HHIP: variants seen among roughly 807,000 people sequenced by gnomAD.
HHIP encodes the protein hedgehog interacting protein.
HHIP carries 12 observed loss-of-function variants against 74.0 expected under a neutral mutation model. That is an observed-to-expected ratio of 0.16 (90% CI 0.10 to 0.26). The LOEUF (loss-of-function observed/expected upper bound fraction) is 0.26, where lower values mean the gene tolerates loss of function less well. Among genes scored for constraint, HHIP ranks in the 10% least tolerant of loss-of-function variants. HHIP has a pLI of 1.00. For missense variants in HHIP, 788 were observed against 845.0 expected (o/e 0.93, Z 0.84); for synonymous variants, 309 against 311.6 (o/e 0.99, Z 0.09).
intron 4 of HHIP, among the ~76,000 whole-genome samples, chr4:144,664,840 C>T (rs1728817425): frequency 6.6e-6 from 1 of 152,140 alleles, no homozygotes; most frequent in South Asian, 2.1e-4. Context: ...TACTTTTTGA[C>T]TTATCAGATT....
In HHIP at chr4:144,743,000, T is replaced by TATA. The variant is rs1731305110; in HGVS notation, c.*5044_*5046dup. 2 of 4,316 alleles carry TATA rather than the reference T, an allele frequency of 4.6e-4. No individual in the cohort carries two copies. Among genetic ancestry groups the TATA allele is most frequent in the African/African-American group, 1.9e-3 (2 of 1,038 alleles). The allele number at this position is 4,316 out of a possible 1,614,324, so 0.3% of individuals were successfully genotyped here. On this transcript the variant is annotated 3_prime_UTR_variant, in exon 13 of 13. Coordinates refer to ENST00000296575, the MANE Select transcript of HHIP (RefSeq NM_022475.3). ...ATATATATACATTATATATATATAA[T>TATA]ATATATATATTATATATATATAATA... is the stretch of plus-strand genomic sequence containing the variant.
chr4:144,659,573 C>A, intron 3 of HHIP, 64 bp from the exon 4 acceptor site: 1 of 1,066,096 alleles, frequency 9.4e-7, no homozygotes, highest in Non-Finnish European at 1.3e-6. Context: ...GAAAAGGATG[C>A]CAAGTGCATC....
At position 144,679,634 on chromosome 4, in the gene HHIP, T is replaced by C. The variant is rs181929436; in HGVS notation, c.831+19796T>C. Among the ~76,000 whole-genome samples, 103 of 152,354 alleles carry C rather than the reference T, an allele frequency of 6.8e-4. 1 individual carries two copies. The highest frequency in any genetic ancestry group is 1.9e-4 in the East Asian group (1 of 5,190). ...ACACCATGTATTAATTAGGGAATCCTTTCCCCATTGCTTGTTTTCATCCGG... is the reference window on the plus strand; with the variant it reads ...ACACCATGTATTAATTAGGGAATCCCTTCCCCATTGCTTGTTTTCATCCGG... On this transcript the variant is annotated intron_variant, in intron 4 of 12. Transcript: ENST00000296575.
chr4:144,697,391 T>C (rs1317923263), intron 4 of HHIP, among the ~76,000 whole-genome samples: 1 of 152,074 alleles, frequency 6.6e-6, no homozygotes, highest in East Asian at 1.9e-4. Context: ...TATTAGAGCA[T>C]TTTGTCTCAT....
intron 4 of HHIP, among the ~76,000 whole-genome samples, chr4:144,665,050 A>G (rs1256918677): frequency 6.6e-6 from 1 of 152,192 alleles, no homozygotes; most frequent in Non-Finnish European, 1.5e-5. Context: ...GATTGCAAAT[A>G]AAGATGTTTT....
chr4:144,651,133 G>A (rs1728417875), intron 1 of HHIP, among the ~76,000 whole-genome samples: 1 of 152,100 alleles, frequency 6.6e-6, no homozygotes, highest in Non-Finnish European at 1.5e-5. Flanking sequence ...CCAGAGTATG[G>A]ATGATAAAAG....
At chr4:144,710,714 T>C (rs1326061284) in intron 7 of HHIP, among the ~76,000 whole-genome samples, 1 of 152,094 alleles carries the variant, frequency 6.6e-6, no homozygotes, top group Non-Finnish European at 1.5e-5. Flanking sequence ...TAGAGTGTGA[T>C]GGGGGTGAGG....
chr4:144,675,900 T>C (rs1729157125), intron 4 of HHIP, among the ~76,000 whole-genome samples: 1 of 152,222 alleles, frequency 6.6e-6, no homozygotes, highest in Non-Finnish European at 1.5e-5. Flanking sequence ...AAACTTTGCA[T>C]TTGATATCAA....
At chr4:144,731,000 CTATGAT>C (rs920035617) in intron 11 of HHIP, among the ~76,000 whole-genome samples, 4 of 152,118 alleles carry the variant, frequency 2.6e-5, no homozygotes, top group Admixed American at 2.6e-4. Flanking sequence ...GGTTTATTTA[CTATGAT>C]TATAATTATT....
intron 4 of HHIP, among the ~76,000 whole-genome samples, chr4:144,672,363 C>A (rs945791057): frequency 6.6e-6 from 1 of 152,126 alleles, no homozygotes; most frequent in Non-Finnish European, 1.5e-5. Flanking sequence ...CAGTTAATGA[C>A]AAGATAATGT....
At chr4:144,701,845 A>C (rs1255723659) in intron 4 of HHIP, among the ~76,000 whole-genome samples, 1 of 152,238 alleles carries the variant, frequency 6.6e-6, no homozygotes, top group African/African-American at 2.4e-5. Flanking sequence ...TAAAATGTAC[A>C]AGTCAGTATT....
chr4:144,713,420 C>T lies in HHIP; in HGVS notation c.1424-805C>T, dbSNP rs760221807. The stretch of plus-strand genomic sequence containing the variant: ...ATAATCACATGGGAGGGTAAGAGGT[C>T]GTTAAAAATTACTATCTTTTCACAA... On this transcript the variant is annotated intron_variant, in intron 8 of 12. Transcript: ENST00000296575. 3.4e-4 allele frequency among the ~76,000 whole-genome samples: 51 copies of T among 152,144 alleles called. 1 individual carries two copies. The highest frequency in any genetic ancestry group is 8.3e-4 in the South Asian group (4 of 4,822).
chr4:144,681,081 T>C (rs1271583996), intron 4 of HHIP, among the ~76,000 whole-genome samples: 1 of 152,198 alleles, frequency 6.6e-6, no homozygotes, highest in Non-Finnish European at 1.5e-5. Flanking sequence ...GAAAACAGCT[T>C]ATTCTTATAT....
intron 4 of HHIP, among the ~76,000 whole-genome samples, chr4:144,675,058 C>A (rs1729136400): frequency 6.6e-6 from 1 of 152,068 alleles, no homozygotes; most frequent in Non-Finnish European, 1.5e-5. Context: ...CAGTGTTAAC[C>A]ACAATTTTGT....
intron 4 of HHIP, among the ~76,000 whole-genome samples, chr4:144,688,804 T>A (rs537237895): frequency 7.0e-6 from 1 of 143,500 alleles, no homozygotes. Flanking sequence ...GTCATTCTCA[T>A]ACACAAAACT....
chr4:144,686,713 T>G (rs1729496564), intron 4 of HHIP, among the ~76,000 whole-genome samples: 1 of 152,080 alleles, frequency 6.6e-6, no homozygotes, highest in Admixed American at 6.5e-5. Context: ...AAAAGATTAT[T>G]AAAGACCTAC....
At chr4:144,703,273 G>A (rs1390184942) in intron 4 of HHIP, among the ~76,000 whole-genome samples, 2 of 151,348 alleles carry the variant, frequency 1.3e-5, no homozygotes, top group African/African-American at 4.9e-5. Context: ...AAGACTGCCT[G>A]AATCACGACT....
Position 144,706,586 on chromosome 4 carries a change from A to G in HHIP, c.887A>G (p.Asn296Ser), listed in dbSNP as rs1483784495. Residue 296 changes from asparagine to serine, a missense_variant, in exon 5 of 13, where the codon AAT (asparagine) becomes AGT (serine). Coordinates refer to ENST00000296575, the MANE Select transcript of HHIP (RefSeq NM_022475.3). ...SLAFHPNYKK[N>S]GKLYVSYTTN... ...GCATTCCATCCCAATTACAAGAAAA[A>G]TGGAAAGTTGTATGTGTCCTATACC... The G allele has an allele frequency of 6.2e-7, 1 of 1,613,322 alleles. No homozygotes were observed. The highest frequency in any genetic ancestry group is 8.5e-7 in the Non-Finnish European group (1 of 1,179,708).
chr4:144,659,357 C>T lies in HHIP; in HGVS notation c.630-280C>T, dbSNP rs553368856. Among the ~76,000 whole-genome samples the T allele has an allele frequency of 5.3e-5, 8 of 152,210 alleles. No individual in the cohort carries two copies. In the South Asian group the frequency reaches 1.0e-3, roughly 20 times the overall value. The stretch of plus-strand genomic sequence containing the variant: ...GAGTAAAACTAATTTTAATTATAGT[C>T]GCTGAAATATGAGAAAATGAGATTA... On this transcript the variant is annotated intron_variant, in intron 3 of 12. Transcript: ENST00000296575.
Sources: gnomAD v4.1 joint callset for allele counts (sites outside exome capture counted in the v4.1 genomes callset) on GRCh38, gnomAD v4.1.1 for gene constraint, MANE v1.5 for transcripts, NCBI Gene and HGNC (gene_info 2026-07-23, HGNC 2026-07-21) for gene names.